The following SNX29 variants were observed in gnomAD, a reference collection of about 807,000 sequenced individuals.
SNX29 encodes sorting nexin 29.
A neutral mutation model predicts 102.1 loss-of-function variants in SNX29; 78 were observed. The observed-to-expected ratio is 0.76, with a 90% CI of 0.64 to 0.92. The LOEUF (loss-of-function observed/expected upper bound fraction) is 0.92. SNX29 is among the 40% of genes least tolerant of loss of function. The probability of loss-of-function intolerance (pLI) is 0.00; values close to 1 mark genes in which losing one functional copy is unlikely to be tolerated. For missense variants in SNX29, 1,280 were observed against 1,061.7 expected, an observed-to-expected ratio of 1.21 and a Z score of -2.86; for synonymous variants, 580 against 414.5, an observed-to-expected ratio of 1.40 and a Z score of -4.85.
In SNX29 at chr16:12,371,616, T is replaced by A. The variant is rs145809139; in HGVS notation, c.1899+15337T>A. 1.2e-3 allele frequency among the ~76,000 whole-genome samples: 189 copies of A among 152,302 alleles called. 3 individuals carry two copies. Among genetic ancestry groups the A allele is most frequent in the Middle Eastern group, 0.01 (3 of 294 alleles). On this transcript the variant is annotated intron_variant, in intron 16 of 20. Coordinates refer to ENST00000566228, the MANE Select transcript of SNX29 (RefSeq NM_032167.5). ...CACTGCACCCAGCCAGATTTTTATT[T>A]CTGTTCGGGGAGAGTGGCTTCCTTT...
intron 14 of SNX29, among the ~76,000 whole-genome samples, chr16:12,209,768 G>C (rs929705715): frequency 6.6e-6 from 1 of 152,168 alleles, no homozygotes; most frequent in Admixed American, 6.5e-5. Flanking sequence ...CCTACCTGCT[G>C]CTCTGCACTT....
intron 20 of SNX29, among the ~76,000 whole-genome samples, chr16:12,550,018 T>C (rs577337946): frequency 6.6e-6 from 1 of 152,192 alleles, no homozygotes; most frequent in African/African-American, 2.4e-5. Context: ...CAAAGTTGAG[T>C]TGTAACTGAG....
chr16:12,072,202 A>G (rs185125000), intron 10 of SNX29, among the ~76,000 whole-genome samples: 12 of 135,876 alleles, frequency 8.8e-5, no homozygotes, highest in Admixed American at 8.0e-4. Context: ...TTTCAACACT[A>G]TGTTGAATAG....
At chr16:12,339,030 C>A (rs55984619) in intron 15 of SNX29, among the ~76,000 whole-genome samples, 2,305 of 152,208 alleles carry the variant, frequency 0.015, 48 homozygotes, top group Non-Finnish European at 0.025. Flanking sequence ...ACACAGACAA[C>A]TTTGAATTCA....
intron 18 of SNX29, among the ~76,000 whole-genome samples, chr16:12,471,932 T>C (rs529719402): frequency 1.8e-4 from 27 of 152,342 alleles, no homozygotes; most frequent in Non-Finnish European, 2.6e-4. Flanking sequence ...CTTTATGATT[T>C]CACTTTTCAC....
At chr16:12,510,567 G>A (rs1386423273) in intron 19 of SNX29, among the ~76,000 whole-genome samples, 1 of 152,106 alleles carries the variant, frequency 6.6e-6, no homozygotes, top group African/African-American at 2.4e-5. Flanking sequence ...CAGCTACTTG[G>A]GAGGTTGAGG....
intron 14 of SNX29, among the ~76,000 whole-genome samples, chr16:12,205,589 A>G (rs2077025505): frequency 6.7e-6 from 1 of 149,188 alleles, no homozygotes; most frequent in Admixed American, 6.6e-5. Flanking sequence ...TGCTGCCCCT[A>G]TGCAGGGACG....
intron 16 of SNX29, among the ~76,000 whole-genome samples, chr16:12,387,007 C>T (rs1183801449): frequency 1.3e-5 from 2 of 152,196 alleles, no homozygotes; most frequent in African/African-American, 2.4e-5. Context: ...CGCCTGTCAT[C>T]CCAGCTACTC....
intron 16 of SNX29, chr16:12,374,247 G>C (rs535046783): frequency 1.3e-5 from 2 of 151,864 alleles, no homozygotes; most frequent in Admixed American, 1.3e-4. Flanking sequence ...GGGATGCAGA[G>C]AGCAGGCCTT....
intron 7 of SNX29, among the ~76,000 whole-genome samples, chr16:12,051,187 G>A (rs959833354): frequency 1.3e-5 from 2 of 152,058 alleles, no homozygotes; most frequent in Non-Finnish European, 2.9e-5. Flanking sequence ...AAATTAGCTG[G>A]GTGTTGTGGC....
chr16:12,146,559 C>G (rs2055074402), intron 13 of SNX29, among the ~76,000 whole-genome samples: 1 of 152,192 alleles, frequency 6.6e-6, no homozygotes, highest in Non-Finnish European at 1.5e-5. Flanking sequence ...AGCCACTGCA[C>G]CCAGCCAAGA....
At chr16:12,563,375 A>G (rs776078736) in intron 20 of SNX29, among the ~76,000 whole-genome samples, 23 of 152,162 alleles carry the variant, frequency 1.5e-4, no homozygotes, top group Admixed American at 2.6e-4. Flanking sequence ...CGCCACGTTG[A>G]TATTTTACCC....
At chr16:12,157,523 C>G (rs1007593095) in intron 13 of SNX29, among the ~76,000 whole-genome samples, 2 of 152,152 alleles carry the variant, frequency 1.3e-5, no homozygotes, top group Non-Finnish European at 2.9e-5. Context: ...GCAGTATTAT[C>G]CTTTTACCTC....
At chr16:12,161,167 C>T (rs2055769261) in intron 13 of SNX29, among the ~76,000 whole-genome samples, 1 of 152,226 alleles carries the variant, frequency 6.6e-6, no homozygotes, top group Non-Finnish European at 1.5e-5. Flanking sequence ...ATAATACTAT[C>T]TCAATTCATG....
In SNX29 at chr16:12,311,616, C is replaced by G. The variant is rs114738836; in HGVS notation, c.1782+33580C>G. ...CTGAGCCCTCCCTTCCTTGAGATGG[C>G]GTGGCTGGCCATGCCTAGATTCATC... On this transcript the variant is annotated intron_variant, in intron 15 of 20. Transcript: ENST00000566228. Among the ~76,000 whole-genome samples, 742 of 152,364 alleles carry G rather than the reference C, an allele frequency of 4.9e-3. 5 individuals are homozygous for G. The highest frequency in any genetic ancestry group is 0.017 in the African/African-American group (720 of 41,586).
At chr16:12,516,037 G>A (rs966383611) in intron 19 of SNX29, among the ~76,000 whole-genome samples, 10 of 152,156 alleles carry the variant, frequency 6.6e-5, no homozygotes, top group African/African-American at 2.2e-4. Context: ...TTCTCGGCTA[G>A]GCCTAGACGT....
At chr16:12,057,161 A>T (rs1397346127) in intron 8 of SNX29, among the ~76,000 whole-genome samples, 2 of 152,210 alleles carry the variant, frequency 1.3e-5, no homozygotes, top group Non-Finnish European at 2.9e-5. Flanking sequence ...TGATACCGGT[A>T]GGGAAGTAGG....
At chr16:12,455,378 A>C (rs1174869424) in intron 18 of SNX29, among the ~76,000 whole-genome samples, 1 of 151,982 alleles carries the variant, frequency 6.6e-6, no homozygotes, top group Admixed American at 6.5e-5. Context: ...GGTCAGCCAC[A>C]CACCAGGCAA....
At chr16:12,054,910 T>G (rs572239145) in intron 8 of SNX29, among the ~76,000 whole-genome samples, 2 of 152,358 alleles carry the variant, frequency 1.3e-5, no homozygotes, top group South Asian at 4.1e-4. Flanking sequence ...TTTTGCTTTT[T>G]GTTATCAGCG....
Sources: gnomAD v4.1 joint callset for allele counts (sites outside exome capture counted in the v4.1 genomes callset) on GRCh38, gnomAD v4.1.1 for gene constraint, MANE v1.5 for transcripts, NCBI Gene and HGNC (gene_info 2026-07-23, HGNC 2026-07-21) for gene names.